TRPC7: variants seen among roughly 807,000 people sequenced by gnomAD.
TRPC7 encodes the protein transient receptor potential cation channel subfamily C member 7.
In TRPC7, 42 loss-of-function variants were observed where a neutral mutation model predicts 90.1. The observed-to-expected ratio is 0.47, with a 90% CI of 0.36 to 0.60. TRPC7 has a LOEUF of 0.60. Among genes scored for constraint, TRPC7 ranks in the 20% least tolerant of loss-of-function variants. TRPC7 has a pLI of 0.00. For synonymous variants in TRPC7, 451 were observed against 436.3 expected, an observed-to-expected ratio of 1.03 and a Z score of -0.42; for missense variants, 955 against 1,112.3, an observed-to-expected ratio of 0.86 and a Z score of 2.01.
At chr5:136,256,491 C>T (rs1756688804) in intron 5 of TRPC7, among the ~76,000 whole-genome samples, 1 of 152,118 alleles carries the variant, frequency 6.6e-6, no homozygotes, top group Non-Finnish European at 1.5e-5. Context: ...ATATTACATC[C>T]CTCAAGCTGG....
At chr5:136,299,661 T>C (rs1318731961) in intron 3 of TRPC7, among the ~76,000 whole-genome samples, 1 of 152,182 alleles carries the variant, frequency 6.6e-6, no homozygotes, top group African/African-American at 2.4e-5. Flanking sequence ...TCTAAATTCA[T>C]ATATGAGCAT....
chr5:136,278,889 C>T (rs556453413), intron 3 of TRPC7, among the ~76,000 whole-genome samples: 3 of 152,072 alleles, frequency 2.0e-5, no homozygotes, highest in Non-Finnish European at 4.4e-5. Flanking sequence ...GTCTGACACT[C>T]GATTCTACCC....
intron 3 of TRPC7, among the ~76,000 whole-genome samples, chr5:136,315,093 A>T (rs982499198): frequency 6.6e-6 from 1 of 152,172 alleles, no homozygotes; most frequent in Non-Finnish European, 1.5e-5. Context: ...TAGGGCTTTC[A>T]TATGCCTTTG....
chr5:136,303,299 A>G (rs2149832765), intron 3 of TRPC7, among the ~76,000 whole-genome samples: 1 of 152,312 alleles, frequency 6.6e-6, no homozygotes, highest in African/African-American at 2.4e-5. Context: ...AGGCCGTCTT[A>G]TTCTCAAAAT....
intron 2 of TRPC7, among the ~76,000 whole-genome samples, chr5:136,355,994 T>C (rs1230833226): frequency 1.2e-4 from 19 of 152,178 alleles, no homozygotes; most frequent in Admixed American, 1.2e-3. Context: ...GTGATTTAAT[T>C]AGAGCTTTCG....
intron 7 of TRPC7, among the ~76,000 whole-genome samples, chr5:136,246,329 C>T (rs1339777688): frequency 1.3e-5 from 2 of 152,242 alleles, no homozygotes; most frequent in African/African-American, 2.4e-5. Context: ...CCTGCAACCA[C>T]TCGCAGACCT....
At chr5:136,233,127 G>A (rs1183901352) in intron 7 of TRPC7, among the ~76,000 whole-genome samples, 1 of 152,096 alleles carries the variant, frequency 6.6e-6, no homozygotes, top group Non-Finnish European at 1.5e-5. Context: ...CAGCTGTTTG[G>A]CTCATTCCCT....
chr5:136,290,610 G>A (rs1757908545), intron 3 of TRPC7, among the ~76,000 whole-genome samples: 1 of 152,282 alleles, frequency 6.6e-6, no homozygotes, highest in Middle Eastern at 3.4e-3. Flanking sequence ...AAAAAGAAAT[G>A]AACAAAGCCT....
intron 6 of TRPC7, among the ~76,000 whole-genome samples, chr5:136,250,031 C>A (rs1350515497): frequency 6.6e-6 from 1 of 152,360 alleles, no homozygotes; most frequent in African/African-American, 2.4e-5. Context: ...GACAATACTG[C>A]AGCCTGAATC....
intron 3 of TRPC7, among the ~76,000 whole-genome samples, chr5:136,285,162 T>C (rs1499767): frequency 0.67 from 101,590 of 151,882 alleles, 34,949 homozygotes; most frequent in African/African-American, 0.85. Flanking sequence ...TTGTGAGTCG[T>C]GCTAAGATGA....
rs764111463 is a variant in TRPC7, at chr5:136,251,822, T to A, written c.1406A>T (p.His469Leu). The A allele has an allele frequency of 6.2e-7, 1 of 1,613,932 alleles. No homozygotes were observed. ...WEEGPREYVLHLWNLLDFGML... is the reference protein window; with the variant it reads ...WEEGPREYVLLLWNLLDFGML... ...CCCGAAATCTAGCAGGTTCCACAAG[T>A]GCAGCACGTACTCCCGTGGCCCCTC... The change falls in exon 6 of 12, where the codon CAC becomes CTC. Residue 469 changes from histidine to leucine, a missense_variant. His to Leu is a moderately conservative substitution (Grantham distance 99, BLOSUM62 -3). Transcript: ENST00000513104.
chr5:136,281,143 A>G (rs1757537589), intron 3 of TRPC7, among the ~76,000 whole-genome samples: 1 of 152,212 alleles, frequency 6.6e-6, no homozygotes, highest in Non-Finnish European at 1.5e-5. Context: ...AGATGCTGCT[A>G]GAACTCTTAT....
intron 11 of TRPC7, chr5:136,213,970 A>G (rs1408427791): frequency 4.8e-6 from 1 of 207,892 alleles, no homozygotes; most frequent in Non-Finnish European, 9.7e-6. Context: ...CTGGAAAACA[A>G]CCCCATTAAC....
At chr5:136,257,308 G>A (rs1490633780) in intron 5 of TRPC7, among the ~76,000 whole-genome samples, 2 of 150,840 alleles carry the variant, frequency 1.3e-5, no homozygotes, top group African/African-American at 2.4e-5. Context: ...TCAGCGTCCC[G>A]AGTAGCTGGG....
chr5:136,362,579 T>C (rs1235339345), intron 1 of TRPC7, among the ~76,000 whole-genome samples: 3 of 152,158 alleles, frequency 2.0e-5, no homozygotes, highest in Admixed American at 2.0e-4. Flanking sequence ...GGTGCTATTG[T>C]CATTCCCATT....
chr5:136,305,977 A>C, intron 3 of TRPC7, among the ~76,000 whole-genome samples: 1 of 152,164 alleles, frequency 6.6e-6, no homozygotes, highest in East Asian at 1.9e-4. Flanking sequence ...ATTAGGCCCC[A>C]GTCTCATTCC....
At chr5:136,322,408 A>T (rs766753810) in intron 2 of TRPC7, among the ~76,000 whole-genome samples, 1 of 152,232 alleles carries the variant, frequency 6.6e-6, no homozygotes, top group Non-Finnish European at 1.5e-5. Flanking sequence ...CAGTAAATGC[A>T]TGTTTAACCT....
At chr5:136,359,229 A>G (rs763864631) in intron 1 of TRPC7, among the ~76,000 whole-genome samples, 4 of 152,210 alleles carry the variant, frequency 2.6e-5, no homozygotes, top group Non-Finnish European at 4.4e-5. Flanking sequence ...AAAGCAAATA[A>G]TGCAGATCAG....
At chr5:136,280,564 T>G (rs1580894934) in intron 3 of TRPC7, among the ~76,000 whole-genome samples, 1 of 152,216 alleles carries the variant, frequency 6.6e-6, no homozygotes, top group Non-Finnish European at 1.5e-5. Flanking sequence ...TGATGAATGC[T>G]TAAGTGTCTT....
Sources: allele counts gnomAD v4.1 joint callset (sites outside exome capture counted in the v4.1 genomes callset), GRCh38; gene constraint gnomAD v4.1.1; transcripts MANE v1.5; gene names NCBI Gene and HGNC (gene_info 2026-07-23, HGNC 2026-07-21).